SLC9C1: variants seen among roughly 807,000 people sequenced by gnomAD.
SLC9C1 encodes the protein solute carrier family 9 member C1.
Under a neutral mutation model 140.9 loss-of-function variants are expected in SLC9C1, and 97 were observed. That is an observed-to-expected ratio of 0.69 (90% CI 0.58 to 0.82). The LOEUF (loss-of-function observed/expected upper bound fraction) is 0.82, where lower values mean the gene tolerates loss of function less well. Ranked by LOEUF, SLC9C1 falls within the 40% of genes least tolerant of loss-of-function variation. The pLI is 0.00. For missense variants in SLC9C1, 1,340 were observed against 1,389.3 expected (o/e 0.96, Z 0.56); for synonymous variants, 440 against 442.6 (o/e 0.99, Z 0.07).
chr3:112,204,497 T>C (rs564771221), intron 16 of SLC9C1, 94 bp from the exon 17 acceptor site: 1 of 1,290,200 alleles, frequency 7.8e-7, no homozygotes, highest in Non-Finnish European at 1.1e-6. Context: ...TAGGCTTTTC[T>C]CTTATCTACT....
At chr3:112,146,398 G>A (rs2074797256) in intron 28 of SLC9C1, among the ~76,000 whole-genome samples, 1 of 152,094 alleles carries the variant, frequency 6.6e-6, no homozygotes, top group Non-Finnish European at 1.5e-5. Flanking sequence ...CCTAAGGGGT[G>A]AAATTAGATT....
At chr3:112,177,294 G>A (rs375436774) in intron 23 of SLC9C1, among the ~76,000 whole-genome samples, 71 of 151,590 alleles carry the variant, frequency 4.7e-4, no homozygotes, top group African/African-American at 1.6e-3. Context: ...GGCGTGACCC[G>A]CCACACCTTG....
chr3:112,186,304 C>T (rs1243844220), intron 20 of SLC9C1, among the ~76,000 whole-genome samples: 1 of 151,918 alleles, frequency 6.6e-6, no homozygotes, highest in Non-Finnish European at 1.5e-5. Context: ...TCTTATGTCA[C>T]CTTCTAGAAG....
intron 15 of SLC9C1, among the ~76,000 whole-genome samples, chr3:112,208,658 A>G (rs1364555969): frequency 6.6e-6 from 1 of 152,184 alleles, no homozygotes; most frequent in Non-Finnish European, 1.5e-5. Context: ...TATTTTTGGT[A>G]TAACACAGGA....
At chr3:112,292,698 C>T (rs1328474283) in intron 1 of SLC9C1, among the ~76,000 whole-genome samples, 1 of 152,038 alleles carries the variant, frequency 6.6e-6, no homozygotes, top group Non-Finnish European at 1.5e-5. Context: ...CGCCAGCCAC[C>T]ACGCCCGGCT....
rs372256362 is a variant in SLC9C1 at position 112,179,944 on chromosome 3, A to G, written c.2749-243T>C. The stretch of plus-strand genomic sequence containing the variant: ...TTAGTTAATCTATACCCATTTTAGG[A>G]TGGCTAAATCTCTAACTCAGATCAG... On this transcript the variant is annotated intron_variant, in intron 22 of 28. Transcript: ENST00000305815. Among the ~76,000 whole-genome samples, 7 of 152,292 alleles carry G rather than the reference A, an allele frequency of 4.6e-5. No homozygotes were observed. The East Asian group carries it at 1.3e-3, about 29-fold the overall frequency.
intron 14 of SLC9C1, among the ~76,000 whole-genome samples, chr3:112,218,140 C>A (rs373800268): frequency 4.7e-4 from 70 of 149,704 alleles, no homozygotes; most frequent in African/African-American, 1.6e-3. Context: ...ATTTTGGTAG[C>A]ACTTGTCCCA....
intron 16 of SLC9C1, among the ~76,000 whole-genome samples, chr3:112,204,626 T>C (rs529264496): frequency 6.6e-6 from 1 of 152,112 alleles, no homozygotes; most frequent in Non-Finnish European, 1.5e-5. Flanking sequence ...AAAGGACAGG[T>C]ATAATGAAAA....
chr3:112,155,894 T>G (rs1432505096), intron 26 of SLC9C1, among the ~76,000 whole-genome samples: 2 of 152,178 alleles, frequency 1.3e-5, no homozygotes, highest in African/African-American at 2.4e-5. Flanking sequence ...ATATATTAGC[T>G]GTACATATTT....
At chr3:112,211,975 C>G (rs974762318) in intron 15 of SLC9C1, among the ~76,000 whole-genome samples, 4 of 152,208 alleles carry the variant, frequency 2.6e-5, no homozygotes, top group Non-Finnish European at 5.9e-5. Context: ...CAGACTGACA[C>G]CTCACAAGGC....
intron 15 of SLC9C1, among the ~76,000 whole-genome samples, chr3:112,217,135 C>G (rs576048520): frequency 6.6e-6 from 1 of 152,046 alleles, no homozygotes; most frequent in South Asian, 2.1e-4. Flanking sequence ...TGTTCTCACT[C>G]ATAGGTGGGA....
rs1297261013 is a variant in SLC9C1 at position 112,250,175 on chromosome 3, T to A, written c.1198-6099A>T. Among the ~76,000 whole-genome samples, 3 of 151,816 alleles carry A rather than the reference T, an allele frequency of 2.0e-5. No individual in the cohort carries two copies. The East Asian group carries it at 5.8e-4, about 30-fold the overall frequency. ...AGAACATGCGGTGTTTGGTTTTTTGTCCTTGCGACAGTTTGCTGAGAATGA... is the reference window on the plus strand; with the variant it reads ...AGAACATGCGGTGTTTGGTTTTTTGACCTTGCGACAGTTTGCTGAGAATGA... On this transcript the variant is annotated intron_variant, in intron 10 of 28. Coordinates refer to ENST00000305815, the MANE Select transcript of SLC9C1 (RefSeq NM_183061.3).
intron 6 of SLC9C1, among the ~76,000 whole-genome samples, chr3:112,271,335 T>C (rs1334047670): frequency 1.3e-5 from 2 of 149,290 alleles, no homozygotes; most frequent in Non-Finnish European, 3.0e-5. Context: ...TCTCTCATCA[T>C]AAAAAATTAT....
chr3:112,179,455 C>T, intron 23 of SLC9C1, 76 bp downstream of exon 23: 4 of 1,460,446 alleles, frequency 2.7e-6, no homozygotes, highest in Non-Finnish European at 3.7e-6. Context: ...TAAACTTATA[C>T]TAAATACTAA....
Position 112,263,043 on chromosome 3 carries a change from T to A in SLC9C1, c.1078A>T (p.Ser360Cys). Residue 360 changes from serine (S) to cysteine (C), a missense_variant, in exon 10 of 29, where the codon AGT (serine) becomes TGT (cysteine). By Grantham distance (112) the Ser-to-Cys change is moderately radical. Coordinates refer to ENST00000305815, the MANE Select transcript of SLC9C1 (RefSeq NM_183061.3). ...PVLSRVGHEF[S>C]WRWIFIMVCS... is the part of the protein sequence containing the mutation. ...ACCATTATGAATATCCAGCGCCAAC[T>A]GAACTCATGACCAACTCGAGACAAA... 6.2e-7 allele frequency: 1 copy of A among 1,601,456 alleles called. No homozygotes were observed. The highest frequency in any genetic ancestry group is 8.5e-7 in the Non-Finnish European group (1 of 1,174,816).
intron 8 of SLC9C1, among the ~76,000 whole-genome samples, chr3:112,264,751 T>G (rs1402160553): frequency 6.6e-6 from 1 of 152,026 alleles, no homozygotes; most frequent in Non-Finnish European, 1.5e-5. Context: ...CACTATTGTC[T>G]TAGATTTTCA....
In SLC9C1 at chr3:112,262,926, G is replaced by C. The variant is rs369550111; in HGVS notation, c.1195C>G (p.Gln399Glu). 52 of 1,566,172 alleles carry C rather than the reference G, an allele frequency of 3.3e-5. No homozygotes were observed. Among genetic ancestry groups the C allele is most frequent in the Non-Finnish European group, 4.0e-5 (47 of 1,163,760 alleles). ...TAAGAAAATACAGCTTTCTTTACTT[G>C]AGATTTTTCTTTGTCAGATCCAAAA... ...LYFGSDKEKS[Q>E]ILFHGVLVCL... The change falls in exon 10 of 29, where the codon CAA becomes GAA. Residue 399 changes from glutamine (Q) to glutamate (E), a missense_variant and splice_region_variant. Transcript: ENST00000305815.
At chr3:112,292,367 G>A (rs2080708680) in intron 1 of SLC9C1, among the ~76,000 whole-genome samples, 1 of 152,186 alleles carries the variant, frequency 6.6e-6, no homozygotes, top group African/African-American at 2.4e-5. Flanking sequence ...TTATCTCTCT[G>A]GCTATGCATA....
intron 7 of SLC9C1, among the ~76,000 whole-genome samples, chr3:112,267,871 T>C (rs919616529): frequency 1.3e-5 from 2 of 152,082 alleles, no homozygotes; most frequent in Non-Finnish European, 2.9e-5. Context: ...TATTATAACT[T>C]GTTAGGTGAT....
Sources: allele counts gnomAD v4.1 joint callset (sites outside exome capture counted in the v4.1 genomes callset), GRCh38; gene constraint gnomAD v4.1.1; transcripts MANE v1.5; gene names NCBI Gene and HGNC (gene_info 2026-07-23, HGNC 2026-07-21).